KCTD7: variants seen among roughly 807,000 people sequenced by gnomAD.
KCTD7 encodes the protein BTB/POZ domain-containing protein KCTD7.
Under a neutral mutation model 27.0 loss-of-function variants are expected in KCTD7, and 15 were observed. The ratio of observed to expected loss-of-function variants is 0.56; its 90% CI spans 0.37 to 0.86. KCTD7 has a LOEUF of 0.86. KCTD7 is among the 40% of genes least tolerant of loss of function. KCTD7 has a pLI of 0.00. For missense variants in KCTD7, 299 were observed against 398.9 expected (o/e 0.75, Z 2.13); for synonymous variants, 159 against 162.7 (o/e 0.98, Z 0.17).
At chr7:66,634,735 G>C (rs1468818751) in intron 2 of KCTD7, among the ~76,000 whole-genome samples, 3 of 136,794 alleles carry the variant, frequency 2.2e-5, no homozygotes, top group Non-Finnish European at 4.7e-5. Flanking sequence ...GGAATAAAAA[G>C]AGATGGAAGA....
intron 1 of KCTD7, among the ~76,000 whole-genome samples, chr7:66,631,137 A>G (rs1245996679): frequency 6.6e-6 from 1 of 152,166 alleles, no homozygotes; most frequent in Non-Finnish European, 1.5e-5. Context: ...CATTCGGTGA[A>G]TTTTGGGTCT....
chr7:66,640,908 T>C lies in KCTD7; in HGVS notation c.*1676T>C, dbSNP rs1786699887. Reference sequence around the variant, plus strand: ...GACTTACAGGACCAGATAGACAAGATGGGTATAAGGGGAGCTGAAGTCTGT... The same window carrying C: ...GACTTACAGGACCAGATAGACAAGACGGGTATAAGGGGAGCTGAAGTCTGT... On this transcript the variant is annotated 3_prime_UTR_variant, in exon 4 of 4. Coordinates refer to ENST00000639828, the MANE Select transcript of KCTD7 (RefSeq NM_153033.5). 1.0e-6 allele frequency: 1 copy of C among 985,898 alleles called. No homozygotes were observed. The highest frequency in any genetic ancestry group is 1.2e-6 in the Non-Finnish European group (1 of 830,460). The allele number at this position is 985,898 out of a possible 1,614,324, so 61.1% of individuals were successfully genotyped here. A position where few individuals can be genotyped will look rare whatever the true frequency, so the allele number is the denominator to read the frequency against.
chr7:66,641,454 A>C lies in KCTD7; in HGVS notation c.*2222A>C. On this transcript the variant is annotated 3_prime_UTR_variant, in exon 4 of 4. Coordinates refer to ENST00000639828, the MANE Select transcript of KCTD7 (RefSeq NM_153033.5). ...GGGCTTGGTTATTTAGAGTCCATACATGCAAGCCATTGAGAGACTTGTTTG... is the reference window on the plus strand; with the variant it reads ...GGGCTTGGTTATTTAGAGTCCATACCTGCAAGCCATTGAGAGACTTGTTTG... 1 of 985,428 alleles carries C rather than the reference A, an allele frequency of 1.0e-6. No homozygotes were observed. The highest frequency in any genetic ancestry group is 1.2e-6 in the Non-Finnish European group (1 of 829,940). 61.0% of individuals were successfully genotyped at this position (985,428 alleles called of 1,614,324 possible). A position where few individuals can be genotyped will look rare whatever the true frequency, so the allele number is the denominator to read the frequency against.
Position 66,628,987 on chromosome 7 carries a change from G to T in KCTD7, c.-78G>T. 7.1e-7 allele frequency: 1 copy of T among 1,401,018 alleles called. No homozygotes were observed. The allele number at this position is 1,401,018 out of a possible 1,614,324, so 86.8% of individuals were successfully genotyped here. ...CGCAGCCGGCCGCGTCATGCCAGGC[G>T]CTGCTCGGCGGTAGGGAGTGCCCGG... On this transcript the variant is annotated 5_prime_UTR_variant, in exon 1 of 4. Coordinates refer to ENST00000639828, the MANE Select transcript of KCTD7 (RefSeq NM_153033.5).
Position 66,640,879 on chromosome 7 carries a change from A to G in KCTD7, c.*1647A>G, listed in dbSNP as rs1163832291. ...AATTGGGGAGGACAGCCTCACTGGTATCAGACTTACAGGACCAGATAGACA... is the reference window on the plus strand; with the variant it reads ...AATTGGGGAGGACAGCCTCACTGGTGTCAGACTTACAGGACCAGATAGACA... On this transcript the variant is annotated 3_prime_UTR_variant, in exon 4 of 4. Transcript: ENST00000639828. The G allele has an allele frequency of 8.1e-6, 8 of 986,990 alleles. No homozygotes were observed. In the African/African-American group the frequency reaches 8.7e-5, roughly 11 times the overall value. The allele number at this position is 986,990 out of a possible 1,614,324, so 61.1% of individuals were successfully genotyped here.
In KCTD7 at chr7:66,642,711, G is replaced by A. The variant is rs1786748939; in HGVS notation, c.*3479G>A. The A allele has an allele frequency of 1.0e-6, 1 of 985,292 alleles. No individual in the cohort carries two copies. The highest frequency in any genetic ancestry group is 1.7e-5 in the African/African-American group (1 of 57,214). 61.0% of individuals were successfully genotyped at this position (985,292 alleles called of 1,614,324 possible). A position where few individuals can be genotyped will look rare whatever the true frequency, so the allele number is the denominator to read the frequency against. ...TACCTGTCTCATGATCCTTAAAAGA[G>A]AGAGGCTTTTTTCATCCAAAGCTGT... On this transcript the variant is annotated 3_prime_UTR_variant, in exon 4 of 4. Coordinates refer to ENST00000639828, the MANE Select transcript of KCTD7 (RefSeq NM_153033.5).
At position 66,640,621 on chromosome 7, in the gene KCTD7, A is replaced by G; in HGVS notation, c.*1389A>G. On this transcript the variant is annotated 3_prime_UTR_variant, in exon 4 of 4. Transcript: ENST00000639828. ...AGGGAGATTTTTTTTTTTAATGTGT[A>G]AAGAATTGATGCGAGCCAGGAACAT... The G allele has an allele frequency of 1.1e-5, 15 of 1,386,202 alleles. No individual in the cohort carries two copies. The highest frequency in any genetic ancestry group is 1.4e-5 in the Non-Finnish European group (15 of 1,074,426). 85.9% of individuals were successfully genotyped at this position (1,386,202 alleles called of 1,614,324 possible).
At chr7:66,637,086 T>TTTTG (rs937028315) in intron 2 of KCTD7, among the ~76,000 whole-genome samples, 1 of 152,228 alleles carries the variant, frequency 6.6e-6, no homozygotes, top group Non-Finnish European at 1.5e-5. Flanking sequence ...TAAAGGTTTC[T>TTTTG]TTTGTTTGTT....
In KCTD7 at chr7:66,641,476, T is replaced by C; in HGVS notation, c.*2244T>C. 1 of 985,430 alleles carries C rather than the reference T, an allele frequency of 1.0e-6. No homozygotes were observed. The allele number at this position is 985,430 out of a possible 1,614,324, so 61.0% of individuals were successfully genotyped here. ...TACATGCAAGCCATTGAGAGACTTG[T>C]TTGCTCAAATGCAAGTTTGCTCAAA... On this transcript the variant is annotated 3_prime_UTR_variant, in exon 4 of 4. Transcript: ENST00000639828.
intron 1 of KCTD7, among the ~76,000 whole-genome samples, chr7:66,632,435 C>T (rs1481073971): frequency 7.0e-6 from 1 of 143,552 alleles, no homozygotes; most frequent in Non-Finnish European, 1.5e-5. Context: ...TGCAGTGAGC[C>T]GAGATCGCGC....
In KCTD7 at chr7:66,640,646, T is replaced by G. The variant is rs1584400830; in HGVS notation, c.*1414T>G. 1 of 1,351,068 alleles carries G rather than the reference T, an allele frequency of 7.4e-7. No homozygotes were observed. Among genetic ancestry groups the G allele is most frequent in the East Asian group, 2.9e-5 (1 of 34,130 alleles). 83.7% of individuals were successfully genotyped at this position (1,351,068 alleles called of 1,614,324 possible). On this transcript the variant is annotated 3_prime_UTR_variant, in exon 4 of 4. Coordinates refer to ENST00000639828, the MANE Select transcript of KCTD7 (RefSeq NM_153033.5). ...AAAGAATTGATGCGAGCCAGGAACA[T>G]GTCTGTAGTCCCAGCTACTTGGGCA... is the stretch of plus-strand genomic sequence containing the variant.
rs886062410 is a variant in KCTD7 at position 66,628,971 on chromosome 7, C to A, written c.-94C>A. On this transcript the variant is annotated 5_prime_UTR_variant, in exon 1 of 4. Coordinates refer to ENST00000639828, the MANE Select transcript of KCTD7 (RefSeq NM_153033.5). ...CCCCCTCCGGCCAGCCCGCAGCCGG[C>A]CGCGTCATGCCAGGCGCTGCTCGGC... 1.3e-5 allele frequency: 17 copies of A among 1,307,194 alleles called. No individual in the cohort carries two copies. Among genetic ancestry groups the A allele is most frequent in the Non-Finnish European group, 1.0e-6 (1 of 991,874 alleles). 81.0% of individuals were successfully genotyped at this position (1,307,194 alleles called of 1,614,324 possible). A position where few individuals can be genotyped will look rare whatever the true frequency, so the allele number is the denominator to read the frequency against.
intron 1 of KCTD7, 76 bp downstream of exon 1, chr7:66,629,284 TCGG>T: frequency 3.9e-6 from 1 of 254,794 alleles, no homozygotes; most frequent in East Asian, 1.6e-4. Flanking sequence ...ATAGCGGTCC[TCGG>T]CGGGTGGGCG....
At chr7:66,634,501 T>C (rs1459199981) in intron 2 of KCTD7, among the ~76,000 whole-genome samples, 1 of 152,056 alleles carries the variant, frequency 6.6e-6, no homozygotes, top group African/African-American at 2.4e-5. Context: ...GCCTCCTGAA[T>C]AGCTGAGACT....
rs981223669 is a variant in KCTD7, at chr7:66,640,302, C to G, written c.*1070C>G. 1.3e-6 allele frequency: 2 copies of G among 1,530,256 alleles called. No homozygotes were observed. The highest frequency in any genetic ancestry group is 1.7e-4 in the Middle Eastern group (1 of 5,944). 94.8% of individuals were successfully genotyped at this position (1,530,256 alleles called of 1,614,324 possible). A position where few individuals can be genotyped will look rare whatever the true frequency, so the allele number is the denominator to read the frequency against. On this transcript the variant is annotated 3_prime_UTR_variant, in exon 4 of 4. Coordinates refer to ENST00000639828, the MANE Select transcript of KCTD7 (RefSeq NM_153033.5). ...ACAAAACTTCCCTTTTGTTTTACTC[C>G]TCACTCCTCTATTTTTGTTTTACTC...
chr7:66,640,306 C>G lies in KCTD7; in HGVS notation c.*1074C>G. ...AACTTCCCTTTTGTTTTACTCCTCA[C>G]TCCTCTATTTTTGTTTTACTCACTT... is the stretch of plus-strand genomic sequence containing the variant. On this transcript the variant is annotated 3_prime_UTR_variant, in exon 4 of 4. Transcript: ENST00000639828. The G allele has an allele frequency of 6.5e-7, 1 of 1,532,292 alleles. No homozygotes were observed. The highest frequency in any genetic ancestry group is 8.7e-7 in the Non-Finnish European group (1 of 1,144,320). 94.9% of individuals were successfully genotyped at this position (1,532,292 alleles called of 1,614,324 possible).
At chr7:66,634,300 A>C (rs1390511025) in intron 2 of KCTD7, among the ~76,000 whole-genome samples, 1 of 150,564 alleles carries the variant, frequency 6.6e-6, no homozygotes, top group Non-Finnish European at 1.5e-5. Context: ...CAGTCCTCCC[A>C]CCTTGGCCTC....
rs1584399108 is a variant in KCTD7, at chr7:66,638,278, G to T, written c.340G>T (p.Gly114Trp). 6.2e-7 allele frequency: 1 copy of T among 1,614,226 alleles called. No homozygotes were observed. The highest frequency in any genetic ancestry group is 1.1e-5 in the South Asian group (1 of 91,088). ...AGATGTGCTGAATTTCCTGCGCTCA[G>T]GGGACCTCCCACCCAGGGAGCGTGT... ...FGDVLNFLRS[G>W]DLPPRERVRA... Residue 114 changes from glycine (G) to tryptophan (W), a missense_variant, in exon 3 of 4, where the codon GGG (glycine) becomes TGG (tryptophan). Physicochemically the swap from Gly to Trp is radical, Grantham distance 184. Coordinates refer to ENST00000639828, the MANE Select transcript of KCTD7 (RefSeq NM_153033.5).
At chr7:66,630,513 A>G (rs1284160293) in intron 1 of KCTD7, among the ~76,000 whole-genome samples, 1 of 152,216 alleles carries the variant, frequency 6.6e-6, no homozygotes, top group Non-Finnish European at 1.5e-5. Context: ...TGCCAGATCC[A>G]GGAGCATGTG....
Sources: gnomAD v4.1 joint callset for allele counts (sites outside exome capture counted in the v4.1 genomes callset) on GRCh38, gnomAD v4.1.1 for gene constraint, MANE v1.5 for transcripts, NCBI Gene and HGNC (gene_info 2026-07-23, HGNC 2026-07-21) for gene names.